Variants in TTC6 observed in about 807,000 individuals in gnomAD.
TTC6 encodes tetratricopeptide repeat domain 6, also known as tetratricopeptide repeat protein 6.
In TTC6, 172 loss-of-function variants were observed where a neutral mutation model predicts 210.4. The observed-to-expected ratio is 0.82, with a 90% CI of 0.72 to 0.93. The LOEUF is 0.93. TTC6 is among the 40% of genes least tolerant of loss of function. TTC6 has a pLI of 0.00. For synonymous variants in TTC6, 804 were observed against 819.6 expected, an observed-to-expected ratio of 0.98 and a Z score of 0.32; for missense variants, 2,414 against 2,318.1, an observed-to-expected ratio of 1.04 and a Z score of -0.85.
intron 15 of TTC6, among the ~76,000 whole-genome samples, chr14:37,788,981 C>T (rs1318744368): frequency 6.6e-6 from 1 of 152,068 alleles, no homozygotes; most frequent in Admixed American, 6.6e-5. Context: ...GCCCTCCTCT[C>T]CCCACTTCTA....
intron 1 of TTC6, among the ~76,000 whole-genome samples, chr14:37,632,785 G>T (rs1010334019): frequency 3.3e-5 from 5 of 152,192 alleles, no homozygotes; most frequent in Admixed American, 2.0e-4. Flanking sequence ...CATGAGTGGG[G>T]CTCCTGCCTT....
rs548967427 is a variant in TTC6 at position 37,706,399 on chromosome 14, C to T, written c.1571+4873C>T. Among the ~76,000 whole-genome samples, 3 of 152,190 alleles carry T rather than the reference C, an allele frequency of 2.0e-5. No individual in the cohort carries two copies. In the South Asian group the frequency reaches 6.2e-4, roughly 32 times the overall value. On this transcript the variant is annotated intron_variant, in intron 5 of 30. Transcript: ENST00000553443. Reference sequence around the variant, plus strand: ...GTCTCCTCATCTCTTGACTTCTCAACATTGGAGTGCCCAGGCTTACCAAGG... The same window carrying T: ...GTCTCCTCATCTCTTGACTTCTCAATATTGGAGTGCCCAGGCTTACCAAGG...
At chr14:37,670,920 T>A (rs1420771119) in intron 1 of TTC6, among the ~76,000 whole-genome samples, 1 of 152,214 alleles carries the variant, frequency 6.6e-6, no homozygotes, top group Non-Finnish European at 1.5e-5. Context: ...CTTTAGGAAA[T>A]GCCATGAAAT....
intron 1 of TTC6, among the ~76,000 whole-genome samples, chr14:37,661,664 G>T (rs1161191837): frequency 2.0e-5 from 3 of 152,000 alleles, no homozygotes; most frequent in East Asian, 3.9e-4. Context: ...CTCTTTTTTG[G>T]TTCCATATGA....
At chr14:37,670,925 T>A (rs2095757046) in intron 1 of TTC6, among the ~76,000 whole-genome samples, 1 of 152,208 alleles carries the variant, frequency 6.6e-6, no homozygotes, top group African/African-American at 2.4e-5. Flanking sequence ...GGAAATGCCA[T>A]GAAATATCTG....
At chr14:37,616,507 T>A (rs1387848488) in intron 2 of TTC6, among the ~76,000 whole-genome samples, 1 of 152,198 alleles carries the variant, frequency 6.6e-6, no homozygotes, top group African/African-American at 2.4e-5. Context: ...AGACTTTATA[T>A]GTTGCTGTGA....
intron 7 of TTC6, among the ~76,000 whole-genome samples, chr14:37,731,128 C>T (rs180767680): frequency 2.0e-5 from 3 of 152,198 alleles, no homozygotes; most frequent in Non-Finnish European, 2.9e-5. Context: ...AAGTAGAAGG[C>T]GAGGGTCCTG....
At position 37,714,348 on chromosome 14, in the gene TTC6, C is replaced by A. The variant is rs113336522; in HGVS notation, c.1572-307C>A. Among the ~76,000 whole-genome samples the A allele has an allele frequency of 2.0e-5, 3 of 150,164 alleles. 1 individual carries two copies. The highest frequency in any genetic ancestry group is 2.0e-4 in the East Asian group (1 of 5,114). On this transcript the variant is annotated intron_variant, in intron 5 of 30. Coordinates refer to ENST00000553443, the Ensembl canonical transcript of TTC6. ...TTGGAATGGGGAGTAGGTGAGAGAT[C>A]AGAAGGTAAAGAAGTTTTTTTTTTT... is the stretch of plus-strand genomic sequence containing the variant.
chr14:37,787,162 TAATA>T (rs1443439206), intron 14 of TTC6, among the ~76,000 whole-genome samples: 4 of 152,194 alleles, frequency 2.6e-5, no homozygotes, highest in African/African-American at 9.6e-5. Flanking sequence ...AATCAATAAA[TAATA>T]AATGTCATAC....
chr14:37,745,305 A>G (rs2095932607), intron 10 of TTC6, among the ~76,000 whole-genome samples: 1 of 152,206 alleles, frequency 6.6e-6, no homozygotes. Flanking sequence ...TCTACAAGCT[A>G]TCTTTGTTTT....
chr14:37,670,605 G>A (rs2095756457), intron 1 of TTC6, among the ~76,000 whole-genome samples: 1 of 151,238 alleles, frequency 6.6e-6, no homozygotes, highest in East Asian at 2.0e-4. Flanking sequence ...CGAGTAGCTG[G>A]GATTACAGGC....
At chr14:37,627,546 A>T (rs1174995665) in intron 1 of TTC6, among the ~76,000 whole-genome samples, 1 of 151,384 alleles carries the variant, frequency 6.6e-6, no homozygotes, top group African/African-American at 2.4e-5. Context: ...AAGTGAGAAC[A>T]TGTGGTGTTT....
At chr14:37,802,717 T>G (rs1370315683) in intron 20 of TTC6, among the ~76,000 whole-genome samples, 1 of 146,528 alleles carries the variant, frequency 6.8e-6, no homozygotes, top group Non-Finnish European at 1.5e-5. Context: ...CTTGCTAGCT[T>G]CATTGACTTT....
chr14:37,694,936 G>A (rs558688985), intron 3 of TTC6, among the ~76,000 whole-genome samples: 2 of 151,624 alleles, frequency 1.3e-5, no homozygotes, highest in Admixed American at 1.3e-4. Flanking sequence ...AGTTACTTGG[G>A]ATGCTGAGGT....
chr14:37,799,557 A>G (rs1004717240), intron 20 of TTC6, among the ~76,000 whole-genome samples: 1 of 152,084 alleles, frequency 6.6e-6, no homozygotes, highest in Non-Finnish European at 1.5e-5. Flanking sequence ...GGGAAAGATG[A>G]TGGGATGTCA....
chr14:37,765,081 AT>A (rs2095994726), intron 14 of TTC6, among the ~76,000 whole-genome samples: 1 of 151,972 alleles, frequency 6.6e-6, no homozygotes, highest in African/African-American at 2.4e-5. Context: ...CTTAGTTTCA[AT>A]AGTCTATAAA....
chr14:37,597,085 C>G (rs36049722), intron 1 of TTC6, among the ~76,000 whole-genome samples: 5,423 of 150,948 alleles, frequency 0.036, 342 homozygotes, highest in African/African-American at 0.12. Flanking sequence ...GAAATTAAAT[C>G]CACCTGGAAC....
intron 3 of TTC6, among the ~76,000 whole-genome samples, chr14:37,694,659 A>G (rs1424216377): frequency 2.6e-5 from 4 of 152,306 alleles, no homozygotes; most frequent in East Asian, 3.9e-4. Context: ...CACAACAGCC[A>G]AGATTTGAAA....
chr14:37,820,910 T>C (rs1303886501), intron 26 of TTC6, among the ~76,000 whole-genome samples: 2 of 150,818 alleles, frequency 1.3e-5, no homozygotes, highest in Non-Finnish European at 2.9e-5. Context: ...CTCCTTCTCC[T>C]CCTCCTTCTC....
Sources: allele counts gnomAD v4.1 joint callset (sites outside exome capture counted in the v4.1 genomes callset), GRCh38; gene constraint gnomAD v4.1.1; transcripts MANE v1.5; gene names NCBI Gene and HGNC (gene_info 2026-07-23, HGNC 2026-07-21).